UNC13C: variants seen among roughly 807,000 people sequenced by gnomAD.
UNC13C encodes the protein protein unc-13 homolog C.
UNC13C carries 174 observed loss-of-function variants against 245.4 expected under a neutral mutation model. That is an observed-to-expected ratio of 0.71 (90% confidence interval 0.63 to 0.80). The LOEUF (loss-of-function observed/expected upper bound fraction) is 0.80. Among genes scored for constraint, UNC13C ranks in the 30% least tolerant of loss-of-function variants. The pLI, the probability that UNC13C is intolerant of heterozygous loss-of-function variation, is 0.00. For missense variants in UNC13C, 2,829 were observed against 2,602.9 expected (o/e 1.09, Z -1.89); for synonymous variants, 992 against 895.1 (o/e 1.11, Z -1.93).
intron 4 of UNC13C, among the ~76,000 whole-genome samples, chr15:54,174,376 G>A (rs28757728): frequency 0.15 from 22,152 of 151,984 alleles, 3,040 homozygotes; most frequent in African/African-American, 0.36. Context: ...CCAGTAGTGA[G>A]CTGGCTTATT....
chr15:54,575,187 C>T (rs956118573), intron 30 of UNC13C, among the ~76,000 whole-genome samples: 2 of 152,140 alleles, frequency 1.3e-5, no homozygotes, highest in Non-Finnish European at 2.9e-5. Context: ...AGGTGCCCGC[C>T]ACCACACCCA....
intron 28 of UNC13C, among the ~76,000 whole-genome samples, chr15:54,552,697 T>TATTGTAC (rs1285108808): frequency 1.1e-5 from 1 of 87,752 alleles, no homozygotes; most frequent in Non-Finnish European, 1.9e-5. Context: ...TAATTATATA[T>TATTGTAC]TATATATAAT....
At chr15:54,402,537 A>G (rs894555686) in intron 18 of UNC13C, among the ~76,000 whole-genome samples, 2 of 152,160 alleles carry the variant, frequency 1.3e-5, no homozygotes, top group African/African-American at 4.8e-5. Flanking sequence ...TAACACAACT[A>G]GATATTTATA....
chr15:54,393,951 T>C (rs2040017287), intron 18 of UNC13C, among the ~76,000 whole-genome samples: 1 of 151,910 alleles, frequency 6.6e-6, no homozygotes, highest in African/African-American at 2.4e-5. Context: ...AGCTAGGCAC[T>C]TGCAGTCTGG....
At chr15:53,974,723 G>A (rs1223196038), upstream of UNC13C, 1 of 130,658 alleles carries the variant, frequency 7.7e-6, no homozygotes, top group Non-Finnish European at 1.6e-5. Context: ...TCCTCAGTTG[G>A]AAAAGTCAAA....
At chr15:54,625,574 C>G (rs892231172) in intron 32 of UNC13C, among the ~76,000 whole-genome samples, 1 of 152,132 alleles carries the variant, frequency 6.6e-6, no homozygotes, top group African/African-American at 2.4e-5. Flanking sequence ...GGAATGGATA[C>G]ATGGAGAGGT....
intron 2 of UNC13C, among the ~76,000 whole-genome samples, chr15:54,073,430 G>T (rs1221081477): frequency 6.6e-6 from 1 of 152,044 alleles, no homozygotes; most frequent in Non-Finnish European, 1.5e-5. Flanking sequence ...TGGTATTTCT[G>T]GTTCTAGATC....
rs565085880 is a variant in UNC13C at position 54,102,075 on chromosome 15, G to A, written c.2984-40943G>A. 2.5e-4 allele frequency among the ~76,000 whole-genome samples: 37 copies of A among 148,540 alleles called. 1 individual carries two copies. The highest frequency in any genetic ancestry group is 5.0e-4 in the African/African-American group (20 of 40,064). On this transcript the variant is annotated intron_variant, in intron 2 of 32. Transcript: ENST00000260323. ...AGATCCTGTGTGAAGTATCTAAGACGTGGAATTTGACCATAGTCATATTAT... is the reference window on the plus strand; with the variant it reads ...AGATCCTGTGTGAAGTATCTAAGACATGGAATTTGACCATAGTCATATTAT...
intron 29 of UNC13C, among the ~76,000 whole-genome samples, chr15:54,557,255 A>C (rs1032283397): frequency 6.6e-6 from 1 of 151,788 alleles, no homozygotes; most frequent in African/African-American, 2.4e-5. Flanking sequence ...TCAGTTCTCC[A>C]GTTCCCCTCT....
chr15:53,968,013 C>A, the UNC13C span: 1 of 152,100 alleles, frequency 6.6e-6, no homozygotes, highest in East Asian at 1.9e-4. Flanking sequence ...TGGAATTGAT[C>A]TGTACTCTGT....
chr15:54,147,802 G>GTGTGTGTGTGTGTGTGTGTGTGTGTGTA (rs2032342464), intron 4 of UNC13C, among the ~76,000 whole-genome samples: 2 of 151,852 alleles, frequency 1.3e-5, no homozygotes, highest in Admixed American at 6.6e-5. Flanking sequence ...GTGTGTGTGT[G>GTGTGTGTGTGTGTGTGTGTGTGTGTGTA]TGTGTGTGTA....
At chr15:54,032,022 A>T (rs1252384194) in intron 2 of UNC13C, among the ~76,000 whole-genome samples, 1 of 152,304 alleles carries the variant, frequency 6.6e-6, no homozygotes, top group East Asian at 1.9e-4. Flanking sequence ...GGAAGTATTA[A>T]TTAGAAGGAT....
At chr15:54,353,106 T>C (rs1257384124) in intron 17 of UNC13C, among the ~76,000 whole-genome samples, 1 of 152,186 alleles carries the variant, frequency 6.6e-6, no homozygotes, top group Non-Finnish European at 1.5e-5. Flanking sequence ...TAAAATTTGT[T>C]GACTTCTTGT....
At chr15:54,112,399 T>A (rs1436515253) in intron 2 of UNC13C, among the ~76,000 whole-genome samples, 1 of 152,162 alleles carries the variant, frequency 6.6e-6, no homozygotes, top group African/African-American at 2.4e-5. Context: ...CTGATTTACA[T>A]AGGGCCCAAA....
At chr15:54,324,931 G>A (rs1448617432) in intron 14 of UNC13C, among the ~76,000 whole-genome samples, 1 of 152,114 alleles carries the variant, frequency 6.6e-6, no homozygotes, top group African/African-American at 2.4e-5. Context: ...ATACAAATTC[G>A]TAAACTTTCT....
At chr15:54,331,100 T>C (rs2038424244) in intron 14 of UNC13C, among the ~76,000 whole-genome samples, 2 of 152,092 alleles carry the variant, frequency 1.3e-5, no homozygotes, top group African/African-American at 4.8e-5. Flanking sequence ...ATCCACCTCC[T>C]CTGTGAAACT....
intron 17 of UNC13C, among the ~76,000 whole-genome samples, chr15:54,370,102 C>A (rs1013530644): frequency 6.6e-6 from 1 of 152,126 alleles, no homozygotes; most frequent in Non-Finnish European, 1.5e-5. Context: ...GGCATTTCTG[C>A]AATATTTACT....
At chr15:54,089,263 G>T (rs1296984836) in intron 2 of UNC13C, among the ~76,000 whole-genome samples, 1 of 152,210 alleles carries the variant, frequency 6.6e-6, no homozygotes, top group African/African-American at 2.4e-5. Flanking sequence ...TACTAGTGCA[G>T]TGCCTAGAAC....
chr15:54,511,467 A>T (rs1894735197), intron 23 of UNC13C, among the ~76,000 whole-genome samples: 1 of 152,184 alleles, frequency 6.6e-6, no homozygotes, highest in South Asian at 2.1e-4. Flanking sequence ...TTACTTTCTA[A>T]GTATGAAATG....
Sources: gnomAD v4.1 joint callset for allele counts (sites outside exome capture counted in the v4.1 genomes callset) on GRCh38, gnomAD v4.1.1 for gene constraint, MANE v1.5 for transcripts, NCBI Gene and HGNC (gene_info 2026-07-23, HGNC 2026-07-21) for gene names.